CSNK2A2IP: variants seen among roughly 807,000 people sequenced by gnomAD.
CSNK2A2IP encodes casein kinase 2 subunit alpha' interacting protein.
the CSNK2A2IP span, among the ~76,000 whole-genome samples, chr3:88,375,134 C>G: frequency 1.2e-4 from 18 of 151,868 alleles, no homozygotes; most frequent in East Asian, 1.2e-3. Flanking sequence ...AAACTGCAGC[C>G]ACATTTGAAT....
chr3:88,464,846 G>A, the CSNK2A2IP span, among the ~76,000 whole-genome samples: 5 of 152,094 alleles, frequency 3.3e-5, no homozygotes, highest in African/African-American at 7.2e-5. Context: ...ATATATATAC[G>A]TTTGTTTATT....
the CSNK2A2IP span, among the ~76,000 whole-genome samples, chr3:88,424,765 G>C: frequency 6.6e-6 from 1 of 151,692 alleles, no homozygotes; most frequent in Non-Finnish European, 1.5e-5. Flanking sequence ...CTGTTTACCA[G>C]TTATGCCTTT....
the CSNK2A2IP span, among the ~76,000 whole-genome samples, chr3:88,368,794 A>AT: frequency 4.6e-5 from 7 of 151,894 alleles, no homozygotes; most frequent in Non-Finnish European, 1.0e-4. Flanking sequence ...TCACTTTGTG[A>AT]TTTTAGGGTG....
the CSNK2A2IP span, among the ~76,000 whole-genome samples, chr3:88,349,784 A>ATGC: frequency 6.6e-6 from 1 of 152,116 alleles, no homozygotes; most frequent in South Asian, 2.1e-4. Flanking sequence ...CACCACATCC[A>ATGC]TGCCAACATC....
chr3:88,408,008 C>G, the CSNK2A2IP span, among the ~76,000 whole-genome samples: 158 of 152,208 alleles, frequency 1.0e-3, 3 homozygotes, highest in East Asian at 0.027. Flanking sequence ...CAGGCATAAG[C>G]CACTGTGCCT....
chr3:88,380,181 A>G, the CSNK2A2IP span, among the ~76,000 whole-genome samples: 1 of 152,112 alleles, frequency 6.6e-6, no homozygotes, highest in Non-Finnish European at 1.5e-5. Context: ...GAAATAAATT[A>G]TAAGGCTAAA....
the CSNK2A2IP span, among the ~76,000 whole-genome samples, chr3:88,417,911 T>C: frequency 6.6e-6 from 1 of 152,204 alleles, no homozygotes; most frequent in Non-Finnish European, 1.5e-5. Flanking sequence ...CATAAAATCA[T>C]TTCTGGTAGA....
the CSNK2A2IP span, among the ~76,000 whole-genome samples, chr3:88,347,856 G>A: frequency 6.6e-6 from 1 of 151,880 alleles, no homozygotes; most frequent in Non-Finnish European, 1.5e-5. Flanking sequence ...GAAATACAGA[G>A]TTTATTAGGA....
chr3:88,382,729 G>A, the CSNK2A2IP span: 1 of 152,164 alleles, frequency 6.6e-6, no homozygotes, highest in South Asian at 2.1e-4. Flanking sequence ...GCTTATCAAT[G>A]CCCCTAGGAG....
At chr3:88,355,996 C>T in the CSNK2A2IP span, among the ~76,000 whole-genome samples, 3 of 151,574 alleles carry the variant, frequency 2.0e-5, no homozygotes, top group Admixed American at 6.6e-5. Flanking sequence ...GTATGGGGTA[C>T]GTGTGATATT....
At chr3:88,402,843 A>T in the CSNK2A2IP span, among the ~76,000 whole-genome samples, 1 of 152,018 alleles carries the variant, frequency 6.6e-6, no homozygotes, top group Non-Finnish European at 1.5e-5. Context: ...CTCAAAAAGG[A>T]CTTTGATCAA....
chr3:88,363,795 C>A, the CSNK2A2IP span, among the ~76,000 whole-genome samples: 6 of 152,148 alleles, frequency 3.9e-5, no homozygotes, highest in African/African-American at 7.2e-5. Flanking sequence ...ACCACTGATG[C>A]AAGACCTTTC....
the CSNK2A2IP span, among the ~76,000 whole-genome samples, chr3:88,443,942 G>A: frequency 2.6e-5 from 4 of 151,612 alleles, no homozygotes; most frequent in South Asian, 2.1e-4. Context: ...AGATATTTGT[G>A]ATACAAAGAT....
At chr3:88,424,263 C>T in the CSNK2A2IP span, among the ~76,000 whole-genome samples, 1 of 152,138 alleles carries the variant, frequency 6.6e-6, no homozygotes, top group Non-Finnish European at 1.5e-5. Context: ...ATTGGCATAG[C>T]ATTAGTTGGC....
the CSNK2A2IP span, among the ~76,000 whole-genome samples, chr3:88,371,217 G>T: frequency 3.3e-5 from 5 of 151,976 alleles, no homozygotes; most frequent in Middle Eastern, 3.4e-3. Context: ...AATGCAAACT[G>T]ATTGCAAGTG....
chr3:88,460,656 G>C, the CSNK2A2IP span, among the ~76,000 whole-genome samples: 1 of 152,118 alleles, frequency 6.6e-6, no homozygotes, highest in Admixed American at 6.5e-5. Context: ...TTATCACTAA[G>C]TGAATTCATC....
At chr3:88,443,120 A>G in the CSNK2A2IP span, among the ~76,000 whole-genome samples, 1 of 152,146 alleles carries the variant, frequency 6.6e-6, no homozygotes, top group Non-Finnish European at 1.5e-5. Flanking sequence ...GAGCTTTCAA[A>G]TTTAATGATT....
chr3:88,384,666 C>A, the CSNK2A2IP span, among the ~76,000 whole-genome samples: 1 of 152,086 alleles, frequency 6.6e-6, no homozygotes, highest in Non-Finnish European at 1.5e-5. Flanking sequence ...TAAAAGTGAA[C>A]AATTTTTGTG....
At chr3:88,353,971 G>T in the CSNK2A2IP span, among the ~76,000 whole-genome samples, 2 of 152,176 alleles carry the variant, frequency 1.3e-5, no homozygotes, top group African/African-American at 4.8e-5. Context: ...ATCACAGGTT[G>T]TTGCAGTCCT....
Sources: gnomAD v4.1 joint callset for allele counts (sites outside exome capture counted in the v4.1 genomes callset) on GRCh38, gnomAD v4.1.1 for gene constraint, MANE v1.5 for transcripts, NCBI Gene and HGNC (gene_info 2026-07-23, HGNC 2026-07-21) for gene names.